The following NOVA2 variants were observed in gnomAD, a reference collection of about 807,000 sequenced individuals.
NOVA2 encodes the protein RNA-binding protein Nova-2.
NOVA2 carries 9 observed loss-of-function variants against 22.5 expected under a neutral mutation model. That is an observed-to-expected ratio of 0.40 (90% CI 0.24 to 0.70). The LOEUF (loss-of-function observed/expected upper bound fraction) is 0.70. NOVA2 is among the 30% of genes least tolerant of loss of function. The pLI, the probability that NOVA2 is intolerant of heterozygous loss-of-function variation, is 0.38. For synonymous variants in NOVA2, 318 were observed against 335.2 expected, an observed-to-expected ratio of 0.95 and a Z score of 0.56; for missense variants, 383 against 682.8, an observed-to-expected ratio of 0.56 and a Z score of 4.89.
intron 3 of NOVA2, among the ~76,000 whole-genome samples, chr19:45,949,497 T>C (rs912251485): frequency 6.6e-6 from 1 of 152,144 alleles, no homozygotes; most frequent in Non-Finnish European, 1.5e-5. Flanking sequence ...GGGTTAATCA[T>C]GTGGGAAAAA....
chr19:45,954,111 G>GGGCA (rs1568666720), intron 2 of NOVA2, among the ~76,000 whole-genome samples, 165 bp from the exon 3 acceptor site: 2 of 152,174 alleles, frequency 1.3e-5, no homozygotes, highest in Admixed American at 6.5e-5. Flanking sequence ...AGGCCATGAT[G>GGGCA]GGCAGCTGGG....
At chr19:45,946,606 G>C (rs1371425912) in intron 3 of NOVA2, among the ~76,000 whole-genome samples, 2 of 152,324 alleles carry the variant, frequency 1.3e-5, no homozygotes, top group Non-Finnish European at 2.9e-5. Flanking sequence ...AGGCACGGTG[G>C]CTCACGCCTG....
intron 3 of NOVA2, among the ~76,000 whole-genome samples, chr19:45,949,537 T>C (rs1337286064): frequency 6.6e-6 from 1 of 152,140 alleles, no homozygotes; most frequent in Non-Finnish European, 1.5e-5. Context: ...AATTTCTACC[T>C]CTTCCACCTC....
In NOVA2 at chr19:45,961,213, G is replaced by T. The variant is rs981531441; in HGVS notation, c.86-60C>A. Reference sequence around the variant, plus strand: ...GGGGAGGGGTCTTCACCTTTGGAGGGGGTGAGCAGAGGAAACCCCAGGGGT... The same window carrying T: ...GGGGAGGGGTCTTCACCTTTGGAGGTGGTGAGCAGAGGAAACCCCAGGGGT... On this transcript the variant is annotated intron_variant, in intron 1 of 3. Coordinates refer to ENST00000263257, the MANE Select transcript of NOVA2 (RefSeq NM_002516.4). The T allele has an allele frequency of 3.8e-6, 5 of 1,319,664 alleles. No individual in the cohort carries two copies. The East Asian group carries it at 9.6e-5, about 25-fold the overall frequency. The allele number at this position is 1,319,664 out of a possible 1,614,324, so 81.7% of individuals were successfully genotyped here. A position where few individuals can be genotyped will look rare whatever the true frequency, so the allele number is the denominator to read the frequency against.
In NOVA2 at chr19:45,944,666, T is replaced by A. The variant is rs111899999; in HGVS notation, c.397-3721A>T. On this transcript the variant is annotated intron_variant, in intron 3 of 3. Transcript: ENST00000263257. ...GCGTGGATGAATCTAGAAAAAATTA[T>A]GCTAAGTGAAAGAAGCCAGTTACAA... Among the ~76,000 whole-genome samples the A allele has an allele frequency of 7.9e-3, 1,208 of 152,302 alleles. 19 individuals are homozygous for A. The highest frequency in any genetic ancestry group is 0.028 in the African/African-American group (1,160 of 41,560).
At chr19:45,946,872 T>TAAA (rs35836093) in intron 3 of NOVA2, among the ~76,000 whole-genome samples, 6 of 133,506 alleles carry the variant, frequency 4.5e-5, no homozygotes, top group African/African-American at 5.6e-5. Flanking sequence ...AGACTCCGTC[T>TAAA]AAAAAAAAAA....
At chr19:45,964,863 T>C (rs1257891432) in intron 1 of NOVA2, among the ~76,000 whole-genome samples, 1 of 152,070 alleles carries the variant, frequency 6.6e-6, no homozygotes. Flanking sequence ...GCCTGGCCTC[T>C]GCCTGGCCTC....
At chr19:45,968,897 G>T (rs1354239945) in intron 1 of NOVA2, among the ~76,000 whole-genome samples, 1 of 151,896 alleles carries the variant, frequency 6.6e-6, no homozygotes, top group South Asian at 2.1e-4. Context: ...GCTGGCTCAC[G>T]CCTGTAATCC....
chr19:45,960,848 C>T (rs1968085455), intron 2 of NOVA2, among the ~76,000 whole-genome samples, 162 bp downstream of exon 2: 1 of 152,160 alleles, frequency 6.6e-6, no homozygotes, highest in Admixed American at 6.5e-5. Flanking sequence ...CCAGGCCCCT[C>T]GGGCTGGGGG....
At chr19:45,963,058 T>C (rs555132779) in intron 1 of NOVA2, among the ~76,000 whole-genome samples, 59 of 152,174 alleles carry the variant, frequency 3.9e-4, no homozygotes, top group African/African-American at 1.3e-3. Context: ...AGGATGGAAA[T>C]TCTGGACACT....
intron 3 of NOVA2, among the ~76,000 whole-genome samples, chr19:45,950,878 T>G (rs1424949934): frequency 1.2e-4 from 18 of 152,158 alleles, no homozygotes; most frequent in Admixed American, 1.2e-3. Context: ...TATTACCCCA[T>G]TTTCTAGATT....
At chr19:45,941,361 G>A (rs1266340329) in intron 3 of NOVA2, among the ~76,000 whole-genome samples, 1 of 151,590 alleles carries the variant, frequency 6.6e-6, no homozygotes, top group Non-Finnish European at 1.5e-5. Context: ...TAGAGATGGG[G>A]CCTTGCGATG....
chr19:45,968,836 G>A (rs1006449547), intron 1 of NOVA2, among the ~76,000 whole-genome samples: 7 of 152,086 alleles, frequency 4.6e-5, no homozygotes, highest in African/African-American at 1.7e-4. Context: ...TTCTAGGAGG[G>A]GCTCTTAACC....
chr19:45,948,468 C>A (rs949859563), intron 3 of NOVA2, among the ~76,000 whole-genome samples: 3 of 151,528 alleles, frequency 2.0e-5, no homozygotes, highest in African/African-American at 7.3e-5. Flanking sequence ...GGTGTGGTGG[C>A]GGGTGCCTGT....
intron 2 of NOVA2, 37 bp downstream of exon 2, chr19:45,960,973 C>CG: frequency 6.5e-7 from 1 of 1,546,950 alleles, no homozygotes; most frequent in Non-Finnish European, 8.8e-7. Context: ...GGAGGAAGGG[C>CG]GGGGGGCCTA....
In NOVA2 at chr19:45,947,583, C is replaced by T. The variant is rs527360925; in HGVS notation, c.396+6197G>A. The stretch of plus-strand genomic sequence containing the variant: ...CCGTCTTCCAGTTTCAAGCGATTCT[C>T]CTGCCTCAGCCTCCCGAGTAGCTAG... On this transcript the variant is annotated intron_variant, in intron 3 of 3. Coordinates refer to ENST00000263257, the MANE Select transcript of NOVA2 (RefSeq NM_002516.4). Among the ~76,000 whole-genome samples, 131 of 151,822 alleles carry T rather than the reference C, an allele frequency of 8.6e-4. 3 individuals are homozygous for T. In the South Asian group the frequency reaches 0.021, roughly 24 times the overall value.
intron 3 of NOVA2, among the ~76,000 whole-genome samples, chr19:45,950,896 G>C (rs1467452947): frequency 5.3e-5 from 8 of 152,216 alleles, no homozygotes; most frequent in African/African-American, 1.9e-4. Context: ...ATTGGGAAAT[G>C]GAGGCACAAA....
chr19:45,947,592 G>A (rs916878426), intron 3 of NOVA2, among the ~76,000 whole-genome samples: 1 of 151,660 alleles, frequency 6.6e-6, no homozygotes, highest in South Asian at 2.1e-4. Flanking sequence ...TCCTGCCTCA[G>A]CCTCCCGAGT....
chr19:45,939,746 C>G lies in NOVA2; in HGVS notation c.*117G>C. ...GAGGGTGCAGTCGGGCCTACCCCAG[C>G]CCCATCCCAAGAGGAGCAGGACTAC... On this transcript the variant is annotated 3_prime_UTR_variant, in exon 4 of 4. Transcript: ENST00000263257. 1 of 1,358,456 alleles carries G rather than the reference C, an allele frequency of 7.4e-7. No individual in the cohort carries two copies. The highest frequency in any genetic ancestry group is 2.5e-5 in the East Asian group (1 of 39,598). 84.2% of individuals were successfully genotyped at this position (1,358,456 alleles called of 1,614,324 possible). A position where few individuals can be genotyped will look rare whatever the true frequency, so the allele number is the denominator to read the frequency against.
Sources: allele counts gnomAD v4.1 joint callset (sites outside exome capture counted in the v4.1 genomes callset), GRCh38; gene constraint gnomAD v4.1.1; transcripts MANE v1.5; gene names NCBI Gene and HGNC (gene_info 2026-07-23, HGNC 2026-07-21).